Variants in ATAD1 observed in about 807,000 individuals in gnomAD.
ATAD1 encodes ATPase family AAA domain containing 1, also known as outer mitochondrial transmembrane helix translocase.
A neutral mutation model predicts 42.7 loss-of-function variants in ATAD1; 18 were observed. The ratio of observed to expected loss-of-function variants is 0.42; its 90% CI spans 0.29 to 0.63. The LOEUF (loss-of-function observed/expected upper bound fraction) is 0.63, where lower values mean the gene tolerates loss of function less well. Ranked by LOEUF, ATAD1 falls within the 20% of genes least tolerant of loss-of-function variation. The pLI is 0.19. For synonymous variants in ATAD1, 132 were observed against 143.1 expected, an observed-to-expected ratio of 0.92 and a Z score of 0.55; for missense variants, 294 against 440.4, an observed-to-expected ratio of 0.67 and a Z score of 2.98.
At chr10:87,777,372 C>T (rs1472299237) in intron 5 of ATAD1, among the ~76,000 whole-genome samples, 1 of 151,992 alleles carries the variant, frequency 6.6e-6, no homozygotes, top group African/African-American at 2.4e-5. Context: ...AATGTACATA[C>T]ATATGTTATA....
At chr10:87,829,501 A>C (rs1394941809) in intron 1 of ATAD1, among the ~76,000 whole-genome samples, 1 of 151,948 alleles carries the variant, frequency 6.6e-6, no homozygotes, top group Non-Finnish European at 1.5e-5. Flanking sequence ...TGATCTGCCG[A>C]CCTCAGCCTC....
intron 5 of ATAD1, among the ~76,000 whole-genome samples, chr10:87,777,431 T>C (rs1855354831): frequency 1.3e-5 from 2 of 152,198 alleles, no homozygotes; most frequent in African/African-American, 4.8e-5. Flanking sequence ...CTAATTACGT[T>C]GTATTATAGC....
chr10:87,818,265 A>T (rs1038404752), upstream of ATAD1: 1 of 984,998 alleles, frequency 1.0e-6, no homozygotes, highest in African/African-American at 1.7e-5. Context: ...GGCGCGGCGC[A>T]CTCCCTCCCA....
At chr10:87,779,950 G>C (rs1855489728) in intron 5 of ATAD1, among the ~76,000 whole-genome samples, 1 of 152,196 alleles carries the variant, frequency 6.6e-6, no homozygotes, top group Admixed American at 6.5e-5. Context: ...TTTACCATGT[G>C]ATCAAGCTGT....
At chr10:87,786,695 G>A (rs1020957493) in intron 4 of ATAD1, among the ~76,000 whole-genome samples, 1 of 152,128 alleles carries the variant, frequency 6.6e-6, no homozygotes, top group Non-Finnish European at 1.5e-5. Flanking sequence ...TGTGGCTCAC[G>A]CCTGTAATCC....
chr10:87,758,757 T>C (rs964577649), intron 8 of ATAD1, among the ~76,000 whole-genome samples: 1 of 152,070 alleles, frequency 6.6e-6, no homozygotes, highest in Non-Finnish European at 1.5e-5. Flanking sequence ...TAAAAAAAAA[T>C]TCACCAGAAA....
At chr10:87,799,198 T>C (rs767341200) in intron 2 of ATAD1, among the ~76,000 whole-genome samples, 21 of 152,354 alleles carry the variant, frequency 1.4e-4, no homozygotes, top group Non-Finnish European at 2.9e-4. Flanking sequence ...TTTGCATTTA[T>C]TAATCAAGCA....
In ATAD1 at chr10:87,784,585, G is replaced by A. The variant is rs756425528; in HGVS notation, c.468C>T (p.Asn156=). Residue 156 remains asparagine, a synonymous_variant, in exon 5 of 10, where the codon AAC becomes AAT. Transcript: ENST00000680024. The stretch of plus-strand genomic sequence containing the variant: ...TATCGGTCAGTGTCGAAGGCTGAAG[G>A]TTAATAAATCGACAGCCTGCTTCTT... ...TAKEAGCRFI[N]LQPSTLTDKW... The A allele has an allele frequency of 6.2e-7, 1 of 1,613,434 alleles. No homozygotes were observed. Among genetic ancestry groups the A allele is most frequent in the Non-Finnish European group, 8.5e-7 (1 of 1,179,916 alleles).
chr10:87,763,457 A>C (rs1174919305), intron 8 of ATAD1, among the ~76,000 whole-genome samples: 4 of 152,226 alleles, frequency 2.6e-5, no homozygotes, highest in African/African-American at 9.6e-5. Context: ...TCAGGAGTTC[A>C]AAACCTGCCT....
In ATAD1 at chr10:87,779,795, T is replaced by C. The variant is rs577685631; in HGVS notation, c.584-3368A>G. 9.2e-5 allele frequency among the ~76,000 whole-genome samples: 14 copies of C among 152,258 alleles called. No individual in the cohort carries two copies. The South Asian group carries it at 2.3e-3, about 25-fold the overall frequency. On this transcript the variant is annotated intron_variant, in intron 5 of 9. Transcript: ENST00000680024. ...TTAGATACCTATATATCTATTACAA[T>C]AGCTAAAAATCCCCAAAATTAATAA...
At chr10:87,785,108 T>C (rs112750557) in intron 4 of ATAD1, among the ~76,000 whole-genome samples, 135 of 152,344 alleles carry the variant, frequency 8.9e-4, no homozygotes, top group African/African-American at 3.1e-3. Flanking sequence ...GATTAAGTTT[T>C]AGCCAAAGGA....
At chr10:87,812,784 A>C (rs1342633170) in intron 2 of ATAD1, among the ~76,000 whole-genome samples, 1 of 152,158 alleles carries the variant, frequency 6.6e-6, no homozygotes, top group Non-Finnish European at 1.5e-5. Context: ...GCCTCAGTCC[A>C]CCCAACAAAA....
At chr10:87,809,440 G>A (rs1198564721) in intron 2 of ATAD1, among the ~76,000 whole-genome samples, 3 of 151,850 alleles carry the variant, frequency 2.0e-5, no homozygotes, top group Non-Finnish European at 4.4e-5. Context: ...AGGAAGAGAG[G>A]TTGGTCTTTC....
upstream of ATAD1, among the ~76,000 whole-genome samples, chr10:87,822,818 T>A (rs1454872011): frequency 6.6e-6 from 1 of 152,156 alleles, no homozygotes; most frequent in Non-Finnish European, 1.5e-5. Flanking sequence ...AAAGAAATGA[T>A]AAATGCTTGA....
In ATAD1 at chr10:87,792,719, C is replaced by A. The variant is rs757087401; in HGVS notation, c.199G>T (p.Val67Leu). The A allele has an allele frequency of 6.2e-7, 1 of 1,612,860 alleles. No homozygotes were observed. The highest frequency in any genetic ancestry group is 1.1e-5 in the South Asian group (1 of 91,070). The change falls in exon 3 of 10, where the codon GTG becomes TTG. Residue 67 changes from valine (V) to leucine (L), a missense_variant. Physicochemically the swap from Val to Leu is conservative, Grantham distance 32. This residue lies in a region of ATAD1 where 121 missense variants were observed against 187.3 expected (regional missense o/e 0.65). Transcript: ENST00000680024. ...KLMKQIGVKN[V>L]KLSEYEMSIA... ...CTCATTTCATATTCTGAGAGCTTCACATTTTTCACTCCAATTTGCTTCATT... is the reference window on the plus strand; with the variant it reads ...CTCATTTCATATTCTGAGAGCTTCAAATTTTTCACTCCAATTTGCTTCATT...
chr10:87,780,915 G>A (rs1297732288), intron 5 of ATAD1, among the ~76,000 whole-genome samples: 1 of 152,190 alleles, frequency 6.6e-6, no homozygotes, highest in Non-Finnish European at 1.5e-5. Flanking sequence ...CCTGGGCTCT[G>A]AGGGGTAAAA....
At chr10:87,821,318 A>G (rs1336195917), upstream of ATAD1, among the ~76,000 whole-genome samples, 3 of 152,134 alleles carry the variant, frequency 2.0e-5, no homozygotes, top group African/African-American at 7.2e-5. Context: ...ACCTGAGGTG[A>G]GGAGTTCAAG....
intron 9 of ATAD1, 49 bp from the exon 10 acceptor site, chr10:87,754,856 C>T (rs1473774135): frequency 1.3e-6 from 2 of 1,570,784 alleles, no homozygotes; most frequent in Non-Finnish European, 1.7e-6. Flanking sequence ...TTAGAATATG[C>T]CTCCCTAAAA....
intron 2 of ATAD1, among the ~76,000 whole-genome samples, chr10:87,811,660 A>T (rs1409012010): frequency 6.6e-6 from 1 of 151,778 alleles, no homozygotes; most frequent in African/African-American, 2.4e-5. Context: ...GATGGGGAAT[A>T]ATTTGGGAAA....
Sources: allele counts gnomAD v4.1 joint callset (sites outside exome capture counted in the v4.1 genomes callset), GRCh38; gene constraint gnomAD v4.1.1; regional missense constraint gnomAD v4.1.1; transcripts MANE v1.5; gene names NCBI Gene and HGNC (gene_info 2026-07-23, HGNC 2026-07-21).